LRBA: variants seen among roughly 807,000 people sequenced by gnomAD.
The protein encoded by LRBA is LPS responsive beige-like anchor protein.
LRBA carries 176 observed loss-of-function variants against 330.0 expected under a neutral mutation model. The ratio of observed to expected loss-of-function variants is 0.53; its 90% confidence interval spans 0.47 to 0.60. LRBA has a LOEUF of 0.60. Ranked by LOEUF, LRBA falls within the 20% of genes least tolerant of loss-of-function variation. LRBA has a pLI of 0.00. For missense variants in LRBA, 3,259 were observed against 3,444.8 expected, an observed-to-expected ratio of 0.95 and a Z score of 1.35; for synonymous variants, 1,230 against 1,193.0, an observed-to-expected ratio of 1.03 and a Z score of -0.64.
intron 8 of LRBA, among the ~76,000 whole-genome samples, chr4:150,914,566 C>G (rs1732373049): frequency 6.6e-6 from 1 of 152,054 alleles, no homozygotes; most frequent in Admixed American, 6.6e-5. Flanking sequence ...GCCAAACAAC[C>G]TAGATCAAAT....
chr4:150,383,008 G>A (rs1217879723), intron 47 of LRBA, among the ~76,000 whole-genome samples: 1 of 152,102 alleles, frequency 6.6e-6, no homozygotes, highest in African/African-American at 2.4e-5. Flanking sequence ...TACTACTTCA[G>A]CTTTCATCAG....
intron 51 of LRBA, among the ~76,000 whole-genome samples, chr4:150,311,917 T>A (rs995737938): frequency 1.5e-4 from 23 of 152,180 alleles, no homozygotes; most frequent in Non-Finnish European, 1.0e-4. Context: ...AATTTTTTTT[T>A]AAATTCCAAG....
rs772512063 is a variant in LRBA, at chr4:150,951,374, C to CA, written c.217-22310dup. Among the ~76,000 whole-genome samples, 1,122 of 135,574 alleles carry CA rather than the reference C, an allele frequency of 8.3e-3. 7 individuals carry two copies. The highest frequency in any genetic ancestry group is 0.01 in the Non-Finnish European group (630 of 62,558). 88.9% of individuals were successfully genotyped at this position (135,574 alleles called of 152,430 possible). On this transcript the variant is annotated intron_variant, in intron 2 of 56. Coordinates refer to ENST00000651943, the MANE Select transcript of LRBA (RefSeq NM_001364905.1). Reference sequence around the variant, plus strand: ...CGTTAGACTCAACATCATCTTTTTACAAAAAAAAAAAAAATTCTTTGTGAC... The same window carrying CA: ...CGTTAGACTCAACATCATCTTTTTACAAAAAAAAAAAAAAATTCTTTGTGAC...
At chr4:150,805,926 C>T (rs998228695) in intron 33 of LRBA, among the ~76,000 whole-genome samples, 6 of 151,780 alleles carry the variant, frequency 4.0e-5, no homozygotes, top group African/African-American at 1.2e-4. Flanking sequence ...ATCTGTGTGG[C>T]AATACATTGT....
At position 150,352,395 on chromosome 4, in the gene LRBA, A is replaced by T. The variant is rs550196241; in HGVS notation, c.7195-2236T>A. ...AATATTTAACATAGCTTTATGATAT[A>T]TCACAAATATAAAATTGAAAATATA... On this transcript the variant is annotated intron_variant, in intron 47 of 56. Coordinates refer to ENST00000651943, the MANE Select transcript of LRBA (RefSeq NM_001364905.1). 3.2e-4 allele frequency among the ~76,000 whole-genome samples: 48 copies of T among 152,356 alleles called. No homozygotes were observed. The East Asian group carries it at 9.1e-3, about 29-fold the overall frequency.
At chr4:150,762,960 A>G (rs145995228) in intron 34 of LRBA, among the ~76,000 whole-genome samples, 24 of 151,862 alleles carry the variant, frequency 1.6e-4, no homozygotes, top group African/African-American at 5.8e-4. Flanking sequence ...TTTCTCTTCT[A>G]CCTTCTCTTT....
intron 48 of LRBA, among the ~76,000 whole-genome samples, chr4:150,333,036 C>T (rs1455261196): frequency 2.0e-5 from 3 of 151,946 alleles, no homozygotes; most frequent in African/African-American, 7.3e-5. Context: ...AATATACATA[C>T]ACATACTAGA....
At chr4:150,653,067 G>A (rs1414821730) in intron 37 of LRBA, among the ~76,000 whole-genome samples, 1 of 152,048 alleles carries the variant, frequency 6.6e-6, no homozygotes, top group African/African-American at 2.4e-5. Flanking sequence ...AACTGGCCAG[G>A]CATGGTGGCT....
chr4:150,402,478 T>C lies in LRBA; in HGVS notation c.7194+12960A>G, dbSNP rs577539727. Among the ~76,000 whole-genome samples, 10 of 152,218 alleles carry C rather than the reference T, an allele frequency of 6.6e-5. No individual in the cohort carries two copies. In the South Asian group the frequency reaches 1.0e-3, roughly 16 times the overall value. On this transcript the variant is annotated intron_variant, in intron 47 of 56. Coordinates refer to ENST00000651943, the MANE Select transcript of LRBA (RefSeq NM_001364905.1). ...GAAATTCTAAGTGCCACAGAAAATTTTGAGATATAAATTTCTCAAAATAAA... is the reference window on the plus strand; with the variant it reads ...GAAATTCTAAGTGCCACAGAAAATTCTGAGATATAAATTTCTCAAAATAAA...
chr4:150,797,957 T>A (rs1425311564), intron 34 of LRBA, 124 bp downstream of exon 34: 1 of 607,584 alleles, frequency 1.6e-6, no homozygotes, highest in Non-Finnish European at 2.9e-6. Context: ...CAAAATTATT[T>A]TAAAACAGCA....
At chr4:150,569,932 C>T (rs924519305) in intron 40 of LRBA, among the ~76,000 whole-genome samples, 1 of 152,094 alleles carries the variant, frequency 6.6e-6, no homozygotes, top group African/African-American at 2.4e-5. Flanking sequence ...TCTCATTAAA[C>T]ATTAAATCGC....
intron 42 of LRBA, among the ~76,000 whole-genome samples, chr4:150,479,469 T>G (rs1711055289): frequency 6.6e-6 from 1 of 152,122 alleles, no homozygotes; most frequent in Non-Finnish European, 1.5e-5. Context: ...AACTCTGAAA[T>G]CCTCATTAAA....
At chr4:150,371,738 T>A (rs1482949695) in intron 47 of LRBA, among the ~76,000 whole-genome samples, 2 of 151,936 alleles carry the variant, frequency 1.3e-5, no homozygotes, top group South Asian at 4.1e-4. Context: ...TGCTATTTTC[T>A]ATATTTGTTA....
intron 33 of LRBA, among the ~76,000 whole-genome samples, chr4:150,805,557 AAAGGAAAGG>A (rs1742616374): frequency 1.3e-5 from 1 of 78,960 alleles, no homozygotes; most frequent in Non-Finnish European, 2.5e-5. Flanking sequence ...AAAGGAAAGG[AAAGGAAAGG>A]AAAGGAAAGG....
intron 36 of LRBA, among the ~76,000 whole-genome samples, chr4:150,709,399 T>C (rs900762050): frequency 1.3e-5 from 2 of 152,014 alleles, no homozygotes; most frequent in African/African-American, 4.8e-5. Flanking sequence ...AGTATGTTTT[T>C]GGATTGAAGA....
chr4:150,503,524 G>GA (rs1365318697), intron 40 of LRBA, among the ~76,000 whole-genome samples: 12 of 152,148 alleles, frequency 7.9e-5, no homozygotes, highest in Admixed American at 7.9e-4. Context: ...CTCTGCAGCT[G>GA]AGAGTCCTGT....
At chr4:150,757,782 C>T (rs978159847) in intron 35 of LRBA, among the ~76,000 whole-genome samples, 14 of 152,026 alleles carry the variant, frequency 9.2e-5, no homozygotes, top group Non-Finnish European at 2.1e-4. Flanking sequence ...AAAGAGAGAA[C>T]GAAAATTTCC....
intron 47 of LRBA, among the ~76,000 whole-genome samples, chr4:150,373,039 T>C (rs1296102355): frequency 1.3e-5 from 2 of 151,676 alleles, no homozygotes; most frequent in African/African-American, 2.4e-5. Context: ...ATGTCAACAA[T>C]GCGAGACATT....
intron 48 of LRBA, among the ~76,000 whole-genome samples, chr4:150,336,985 T>C (rs953429939): frequency 5.3e-5 from 8 of 152,168 alleles, no homozygotes; most frequent in Non-Finnish European, 7.3e-5. Context: ...AATGAGTAGA[T>C]AAAGCAGCCT....
Sources: gnomAD v4.1 joint callset for allele counts (sites outside exome capture counted in the v4.1 genomes callset) on GRCh38, gnomAD v4.1.1 for gene constraint, MANE v1.5 for transcripts, NCBI Gene and HGNC (gene_info 2026-07-23, HGNC 2026-07-21) for gene names.